WDR1: variants seen among roughly 807,000 people sequenced by gnomAD.
WDR1 encodes WD repeat domain 1.
WDR1 carries 21 observed loss-of-function variants against 71.9 expected under a neutral mutation model. The ratio of observed to expected loss-of-function variants is 0.29; its 90% CI spans 0.21 to 0.42. The LOEUF is 0.42. Ranked by LOEUF, WDR1 falls within the 10% of genes least tolerant of loss-of-function variation. The pLI is 1.00. For missense variants in WDR1, 696 were observed against 824.5 expected (o/e 0.84, Z 1.91); for synonymous variants, 424 against 347.4 (o/e 1.22, Z -2.45).
chr4:10,115,140 C>T (rs1489324682), intron 2 of WDR1, among the ~76,000 whole-genome samples: 1 of 152,218 alleles, frequency 6.6e-6, no homozygotes. Context: ...TTGTGCCAGC[C>T]GCCCCCACTA....
intron 3 of WDR1, among the ~76,000 whole-genome samples, chr4:10,103,297 C>CAG (rs1174628076): frequency 9.9e-5 from 13 of 131,814 alleles, no homozygotes; most frequent in Middle Eastern, 3.8e-3. Context: ...CAGACACACA[C>CAG]ACACACACAC....
intron 2 of WDR1, among the ~76,000 whole-genome samples, chr4:10,107,281 C>G (rs1360012739): frequency 6.6e-6 from 1 of 152,218 alleles, no homozygotes; most frequent in African/African-American, 2.4e-5. Context: ...TCACCACAGG[C>G]CTGCCCAGTT....
At chr4:10,088,178 G>T (rs1317496891) in intron 7 of WDR1, 115 bp downstream of exon 7, 2 of 1,098,322 alleles carry the variant, frequency 1.8e-6, no homozygotes, top group South Asian at 2.7e-5. Context: ...AAACCGCCCC[G>T]ACTTATAGCC....
In WDR1 at chr4:10,107,706, G is replaced by C. The variant is rs116825886; in HGVS notation, c.139-3720C>G. On this transcript the variant is annotated intron_variant, in intron 2 of 14. Coordinates refer to ENST00000499869, the MANE Select transcript of WDR1 (RefSeq NM_017491.5). ...GGGCTGGGATAAGACCTCGAGACAA[G>C]CCCCAGAATTCTGCCACCACCCCTG... Among the ~76,000 whole-genome samples, 750 of 152,284 alleles carry C rather than the reference G, an allele frequency of 4.9e-3. 8 individuals carry two copies. The highest frequency in any genetic ancestry group is 0.017 in the African/African-American group (708 of 41,564).
intron 3 of WDR1, among the ~76,000 whole-genome samples, chr4:10,101,424 C>A (rs1383548521): frequency 3.3e-5 from 5 of 152,314 alleles, no homozygotes; most frequent in Non-Finnish European, 7.4e-5. Flanking sequence ...CTATTTTTAG[C>A]CCCACTTCAT....
intron 9 of WDR1, 146 bp from the exon 10 acceptor site, chr4:10,083,324 G>A: frequency 9.7e-7 from 1 of 1,029,772 alleles, no homozygotes; most frequent in Non-Finnish European, 1.4e-6. Flanking sequence ...AGCCTGCAGT[G>A]TCCACTGTTG....
At position 10,079,055 on chromosome 4, in the gene WDR1, C is replaced by T. The variant is rs1764910937; in HGVS notation, c.1285-54G>A. The T allele has an allele frequency of 8.9e-6, 13 of 1,456,478 alleles. No homozygotes were observed. The East Asian group carries it at 1.2e-4, about 14-fold the overall frequency. The allele number at this position is 1,456,478 out of a possible 1,614,324, so 90.2% of individuals were successfully genotyped here. ...CGGTCCAGCCCTTCGGGACAAAACC[C>T]TCAGTGGTAGGAGGGGCGCGTCCCT... On this transcript the variant is annotated intron_variant, in intron 11 of 14. Coordinates refer to ENST00000499869, the MANE Select transcript of WDR1 (RefSeq NM_017491.5).
rs79776007 is a variant in WDR1 at position 10,086,941 on chromosome 4, C to T, written c.951+766G>A. Among the ~76,000 whole-genome samples, 918 of 152,288 alleles carry T rather than the reference C, an allele frequency of 6.0e-3. 4 individuals are homozygous for T. The highest frequency in any genetic ancestry group is 8.8e-3 in the Non-Finnish European group (598 of 67,994). On this transcript the variant is annotated intron_variant, in intron 8 of 14. Transcript: ENST00000499869. ...CCTGAGGATACAGAAGGGACCCCTG[C>T]TCTGGCTCCTGTCCAGCTGCGAGAT...
chr4:10,108,846 T>C (rs1455933101), intron 2 of WDR1, among the ~76,000 whole-genome samples: 6 of 152,180 alleles, frequency 3.9e-5, no homozygotes, highest in Non-Finnish European at 1.5e-5. Context: ...TCTCCCACCC[T>C]GAACCCCCAC....
chr4:10,085,087 C>T (rs1024542441), intron 8 of WDR1, among the ~76,000 whole-genome samples: 11 of 152,238 alleles, frequency 7.2e-5, no homozygotes, highest in African/African-American at 2.4e-4. Context: ...CTGACTGCTG[C>T]AGTGGAGGGC....
intron 11 of WDR1, among the ~76,000 whole-genome samples, 158 bp from the exon 12 acceptor site, chr4:10,079,159 C>T (rs1405796677): frequency 6.6e-6 from 1 of 152,188 alleles, no homozygotes; most frequent in African/African-American, 2.4e-5. Flanking sequence ...GCCACACCAC[C>T]TGGACTCATG....
At chr4:10,084,322 A>T (rs927263549) in intron 9 of WDR1, 121 bp downstream of exon 9, 17 of 830,330 alleles carry the variant, frequency 2.0e-5, no homozygotes, top group Admixed American at 1.2e-4. Context: ...GGGTCAGAAG[A>T]GCGTGTGGCT....
intron 2 of WDR1, among the ~76,000 whole-genome samples, chr4:10,107,585 G>A (rs1257141661): frequency 1.3e-5 from 2 of 152,158 alleles, no homozygotes; most frequent in East Asian, 1.9e-4. Flanking sequence ...AACCCTTGAG[G>A]ATAGAACAGG....
chr4:10,113,626 AAGG>A (rs1329329211), intron 2 of WDR1, among the ~76,000 whole-genome samples: 1 of 152,364 alleles, frequency 6.6e-6, no homozygotes, highest in East Asian at 1.9e-4. Context: ...GGGTGAAAGC[AAGG>A]AGACCTGTTT....
rs200525851 is a variant in WDR1 at position 10,103,943 on chromosome 4, A to G, written c.182T>C (p.Val61Ala). 4.1e-3 allele frequency: 6,640 copies of G among 1,602,920 alleles called. 24 individuals carry two copies. Among genetic ancestry groups the G allele is most frequent in the Non-Finnish European group, 4.4e-3 (5,178 of 1,175,108 alleles). ...GCTGGGCGCATACTTGGCCACCACC[A>G]CCTGATGGGCGTGCTCTGTGTAGAT... ...ADIYTEHAHQ[V>A]VVAKYAPSGF... The change falls in exon 3 of 15, where the codon GTG becomes GCG. Residue 61 changes from valine to alanine, a missense_variant. Coordinates refer to ENST00000499869, the MANE Select transcript of WDR1 (RefSeq NM_017491.5).
chr4:10,077,977 A>G (rs367770974), intron 12 of WDR1, 51 bp from the exon 13 acceptor site: 3 of 1,514,010 alleles, frequency 2.0e-6, no homozygotes. Context: ...CACACACCAC[A>G]CCCATCCTTT....
intron 11 of WDR1, among the ~76,000 whole-genome samples, chr4:10,079,407 C>A (rs1052983972): frequency 2.6e-5 from 4 of 152,258 alleles, no homozygotes; most frequent in Admixed American, 6.5e-5. Flanking sequence ...TCCAGCCCCA[C>A]AAGGCAGGGA....
rs141008952 is a variant in WDR1, at chr4:10,114,488, C to T, written c.138+1625G>A. On this transcript the variant is annotated intron_variant, in intron 2 of 14. Transcript: ENST00000499869. The stretch of plus-strand genomic sequence containing the variant: ...TAAGAAGCTATCACAGGGCCAGATG[C>T]ACAGCAGGTACTTTATGTGAGGCCC... 5.3e-3 allele frequency among the ~76,000 whole-genome samples: 805 copies of T among 152,302 alleles called. 10 individuals are homozygous for T. Among genetic ancestry groups the T allele is most frequent in the African/African-American group, 0.018 (766 of 41,546 alleles).
In WDR1 at chr4:10,088,654, C is replaced by G. The variant is rs774249110; in HGVS notation, c.636+10G>C. On this transcript the variant is annotated intron_variant, in intron 6 of 14. Transcript: ENST00000499869. Reference sequence around the variant, plus strand: ...CCATTCCCCACCCCAAAACCCATCCCAGTTCTTACCTGGCCGTCAGCACTG... The same window carrying G: ...CCATTCCCCACCCCAAAACCCATCCGAGTTCTTACCTGGCCGTCAGCACTG... 6.3e-7 allele frequency: 1 copy of G among 1,598,012 alleles called. No individual in the cohort carries two copies. The highest frequency in any genetic ancestry group is 1.7e-5 in the Admixed American group (1 of 58,100).
Sources: allele counts gnomAD v4.1 joint callset (sites outside exome capture counted in the v4.1 genomes callset), GRCh38; gene constraint gnomAD v4.1.1; transcripts MANE v1.5; gene names NCBI Gene and HGNC (gene_info 2026-07-23, HGNC 2026-07-21).